The following DAPP1 variants were observed in gnomAD, a reference collection of about 807,000 sequenced individuals.
DAPP1 encodes the protein dual adaptor of phosphotyrosine and 3-phosphoinositides 1.
In DAPP1, 20 loss-of-function variants were observed where a neutral mutation model predicts 41.5. That is an observed-to-expected ratio of 0.48 (90% confidence interval 0.34 to 0.70). The LOEUF (loss-of-function observed/expected upper bound fraction) is 0.70, where lower values mean the gene tolerates loss of function less well. DAPP1 is among the 30% of genes least tolerant of loss of function. The pLI, the probability that DAPP1 is intolerant of heterozygous loss-of-function variation, is 0.01. For synonymous variants in DAPP1, 113 were observed against 116.2 expected (o/e 0.97, Z 0.18); for missense variants, 233 against 333.4 (o/e 0.70, Z 2.35).
intron 1 of DAPP1, among the ~76,000 whole-genome samples, chr4:99,817,626 A>G (rs1455979173): frequency 6.6e-6 from 1 of 152,182 alleles, no homozygotes; most frequent in African/African-American, 2.4e-5. Context: ...TTCTGCTTCA[A>G]ACAGGTAAGC....
chr4:99,819,300 G>A (rs1301945091), intron 1 of DAPP1, among the ~76,000 whole-genome samples: 3 of 152,168 alleles, frequency 2.0e-5, no homozygotes, highest in Non-Finnish European at 4.4e-5. Context: ...AAACAGCTGG[G>A]AAGAGTTGGG....
chr4:99,855,045 G>A (rs941742676), intron 4 of DAPP1, among the ~76,000 whole-genome samples: 1 of 152,190 alleles, frequency 6.6e-6, no homozygotes, highest in Non-Finnish European at 1.5e-5. Flanking sequence ...GGCTTTGTTA[G>A]AAGTGGGGGA....
chr4:99,822,425 A>G (rs1722803939), intron 1 of DAPP1, among the ~76,000 whole-genome samples: 1 of 152,170 alleles, frequency 6.6e-6, no homozygotes, highest in African/African-American at 2.4e-5. Flanking sequence ...CAGTGTCTAG[A>G]TAAAACAATC....
intron 8 of DAPP1, among the ~76,000 whole-genome samples, chr4:99,867,281 TC>T (rs1724493231): frequency 1.3e-5 from 2 of 152,240 alleles, no homozygotes; most frequent in Admixed American, 1.3e-4. Flanking sequence ...TGGATTAATT[TC>T]TTATTCTTTC....
At chr4:99,834,420 T>A (rs1260359501) in intron 1 of DAPP1, among the ~76,000 whole-genome samples, 1 of 152,142 alleles carries the variant, frequency 6.6e-6, no homozygotes, top group Non-Finnish European at 1.5e-5. Context: ...AGATATATAT[T>A]ACCTTTTCTA....
At chr4:99,823,988 A>G (rs923959244) in intron 1 of DAPP1, among the ~76,000 whole-genome samples, 2 of 152,258 alleles carry the variant, frequency 1.3e-5, no homozygotes, top group Admixed American at 6.5e-5. Context: ...TGTCTCACAA[A>G]TATATTATAA....
Position 99,868,365 on chromosome 4 carries a change from T to C in DAPP1, c.*180T>C, listed in dbSNP as rs758927875. On this transcript the variant is annotated 3_prime_UTR_variant, in exon 9 of 9. Transcript: ENST00000512369. ...GCTGACTCACGTTGCTGCCCTTCCA[T>C]GATGTTGCCATCTCCTTGAGAACAC... 3 of 611,440 alleles carry C rather than the reference T, an allele frequency of 4.9e-6. No individual in the cohort carries two copies. Among genetic ancestry groups the C allele is most frequent in the Non-Finnish European group, 8.7e-6 (3 of 344,548 alleles). 37.9% of individuals were successfully genotyped at this position (611,440 alleles called of 1,614,324 possible). A position where few individuals can be genotyped will look rare whatever the true frequency, so the allele number is the denominator to read the frequency against.
At chr4:99,844,278 G>A (rs1723592665) in intron 3 of DAPP1, 2 of 152,122 alleles carry the variant, frequency 1.3e-5, no homozygotes, top group South Asian at 4.1e-4. Context: ...CACTGCAAAG[G>A]ACACGAACTT....
At chr4:99,851,340 A>G (rs936742404) in intron 3 of DAPP1, among the ~76,000 whole-genome samples, 1 of 152,038 alleles carries the variant, frequency 6.6e-6, no homozygotes, top group African/African-American at 2.4e-5. Context: ...CCAATGAGAG[A>G]CAGAAAGAGG....
chr4:99,862,744 A>ATTATT (rs3076909), intron 5 of DAPP1, among the ~76,000 whole-genome samples: 150,715 of 150,986 alleles, frequency 1, 75,233 homozygotes, highest in Middle Eastern at 1. Context: ...AATGCATGAA[A>ATTATT]TTAATTTTTA....
At chr4:99,825,509 C>T (rs552543853) in intron 1 of DAPP1, among the ~76,000 whole-genome samples, 5 of 152,334 alleles carry the variant, frequency 3.3e-5, no homozygotes, top group Admixed American at 3.3e-4. Flanking sequence ...GCATGCTCCG[C>T]CTCTGTCATC....
At chr4:99,831,659 G>A (rs980973639) in intron 1 of DAPP1, among the ~76,000 whole-genome samples, 2 of 152,292 alleles carry the variant, frequency 1.3e-5, no homozygotes, top group Non-Finnish European at 2.9e-5. Context: ...CTGGTCATAT[G>A]TGGAGGTTCA....
intron 4 of DAPP1, among the ~76,000 whole-genome samples, chr4:99,857,636 G>A (rs1002951378): frequency 1.4e-5 from 2 of 146,288 alleles, no homozygotes; most frequent in African/African-American, 2.5e-5. Context: ...CTCTTCTCAG[G>A]TTTAACATTT....
intron 1 of DAPP1, among the ~76,000 whole-genome samples, chr4:99,827,325 G>A (rs78477785): frequency 0.018 from 2,758 of 152,082 alleles, 58 homozygotes; most frequent in East Asian, 0.1. Flanking sequence ...ACGAGGTCAG[G>A]AGATCGAGAC....
At chr4:99,864,015 C>G in intron 7 of DAPP1, 160 bp downstream of exon 7, 1 of 545,692 alleles carries the variant, frequency 1.8e-6, no homozygotes, top group South Asian at 2.3e-5. Flanking sequence ...GACATAACAC[C>G]TCATTTAAAG....
chr4:99,853,078 T>C, intron 3 of DAPP1, 140 bp from the exon 4 acceptor site: 1 of 938,022 alleles, frequency 1.1e-6, no homozygotes, highest in Non-Finnish European at 1.6e-6. Flanking sequence ...TAATTGGTAT[T>C]TGATAACTGT....
Position 99,868,427 on chromosome 4 carries a change from C to T in DAPP1, c.*242C>T. The T allele has an allele frequency of 3.8e-6, 2 of 530,360 alleles. No individual in the cohort carries two copies. The highest frequency in any genetic ancestry group is 2.0e-5 in the South Asian group (1 of 48,812). The allele number at this position is 530,360 out of a possible 1,614,324, so 32.9% of individuals were successfully genotyped here. Reference sequence around the variant, plus strand: ...CCATTCTGATAGAAAGTGCTTAAACCACCACTCTTAGGTCTGCTCACTCTT... The same window carrying T: ...CCATTCTGATAGAAAGTGCTTAAACTACCACTCTTAGGTCTGCTCACTCTT... On this transcript the variant is annotated 3_prime_UTR_variant, in exon 9 of 9. Coordinates refer to ENST00000512369, the MANE Select transcript of DAPP1 (RefSeq NM_014395.3).
At chr4:99,848,793 C>G (rs572698114) in intron 3 of DAPP1, among the ~76,000 whole-genome samples, 19 of 152,298 alleles carry the variant, frequency 1.2e-4, no homozygotes, top group African/African-American at 4.3e-4. Flanking sequence ...GGTGGACCTT[C>G]TCTCTAGAGA....
At chr4:99,853,059 C>G (rs1474718717) in intron 3 of DAPP1, among the ~76,000 whole-genome samples, 159 bp from the exon 4 acceptor site, 2 of 152,090 alleles carry the variant, frequency 1.3e-5, no homozygotes, top group African/African-American at 4.8e-5. Flanking sequence ...AGCTTAAGTG[C>G]CTTATACCTA....
Sources: gnomAD v4.1 joint callset for allele counts (sites outside exome capture counted in the v4.1 genomes callset) on GRCh38, gnomAD v4.1.1 for gene constraint, MANE v1.5 for transcripts, NCBI Gene and HGNC (gene_info 2026-07-23, HGNC 2026-07-21) for gene names.